ADCY3: variants seen among roughly 807,000 people sequenced by gnomAD.
ADCY3 encodes adenylate cyclase 3, also known as adenylate cyclase type 3.
Under a neutral mutation model 119.4 loss-of-function variants are expected in ADCY3, and 70 were observed. That is an observed-to-expected ratio of 0.59 (90% CI 0.48 to 0.72). The LOEUF (loss-of-function observed/expected upper bound fraction) is 0.72. ADCY3 is among the 30% of genes least tolerant of loss of function. The pLI is 0.00. For synonymous variants in ADCY3, 672 were observed against 621.4 expected (o/e 1.08, Z -1.21); for missense variants, 1,238 against 1,541.6 (o/e 0.80, Z 3.30).
chr2:24,820,278 C>G, intron 21 of ADCY3, 164 bp from the exon 22 acceptor site: 9 of 1,240,492 alleles, frequency 7.3e-6, no homozygotes, highest in East Asian at 2.9e-5. Flanking sequence ...CCGTGGCGAG[C>G]AGCGGGTGGG....
chr2:24,908,447 A>G (rs6545814), intron 2 of ADCY3, among the ~76,000 whole-genome samples: 79,395 of 152,188 alleles, frequency 0.52, 22,884 homozygotes, highest in African/African-American at 0.78. Flanking sequence ...TTCACAATGA[A>G]GAAAAAGAGC....
At chr2:24,908,492 T>C (rs1663175408) in intron 2 of ADCY3, among the ~76,000 whole-genome samples, 1 of 152,222 alleles carries the variant, frequency 6.6e-6, no homozygotes, top group Non-Finnish European at 1.5e-5. Context: ...GAAAAAAGGA[T>C]AATGAAGAAA....
intron 2 of ADCY3, among the ~76,000 whole-genome samples, chr2:24,876,262 C>T (rs1042778111): frequency 6.6e-6 from 1 of 152,158 alleles, no homozygotes; most frequent in Non-Finnish European, 1.5e-5. Flanking sequence ...AACAATGGGA[C>T]TACAGGCATG....
At chr2:24,884,471 C>CTTTTTTTTTT (rs1201387570) in intron 2 of ADCY3, among the ~76,000 whole-genome samples, 2 of 97,860 alleles carry the variant, frequency 2.0e-5, no homozygotes, top group African/African-American at 4.9e-5. Context: ...TTCTAATAAT[C>CTTTTTTTTTT]TTTTTTTTTT....
intron 2 of ADCY3, among the ~76,000 whole-genome samples, chr2:24,892,643 T>C (rs1677807238): frequency 6.6e-6 from 1 of 152,218 alleles, no homozygotes; most frequent in East Asian, 1.9e-4. Context: ...AGTTCTTGGG[T>C]GCAGGGTTCT....
chr2:24,822,892 C>G (rs116997258), intron 18 of ADCY3, among the ~76,000 whole-genome samples: 1 of 152,178 alleles, frequency 6.6e-6, no homozygotes, highest in Admixed American at 6.5e-5. Flanking sequence ...AAGCATTCTC[C>G]CTGGTATACA....
chr2:24,821,047 A>T, intron 20 of ADCY3, 199 bp from the exon 21 acceptor site: 2 of 532,510 alleles, frequency 3.8e-6, no homozygotes, highest in Non-Finnish European at 6.0e-6. Context: ...GTCAGCCGCC[A>T]CCCCCCCCCC....
chr2:24,830,656 C>T, intron 13 of ADCY3, 53 bp downstream of exon 13: 1 of 1,416,576 alleles, frequency 7.1e-7, no homozygotes, highest in South Asian at 1.2e-5. Context: ...AAACAGAAGC[C>T]CTTCTCCACT....
rs757744329 is a variant in ADCY3 at position 24,872,740 on chromosome 2, G to C, written c.676-21C>G. 6.2e-7 allele frequency: 1 copy of C among 1,610,792 alleles called. No homozygotes were observed. Among genetic ancestry groups the C allele is most frequent in the Non-Finnish European group, 8.5e-7 (1 of 1,177,530 alleles). ...AGGATCTGCACCCCAAGGAAGAAGA[G>C]AGAAAAGGCCAGGGGTGAAGGCACG... On this transcript the variant is annotated intron_variant, in intron 2 of 21. Transcript: ENST00000679454. The surrounding 1 kb of genome is among the most constrained non-coding windows in gnomAD (Gnocchi z 4.4).
At position 24,919,152 on chromosome 2, in the gene ADCY3, T is replaced by C. The variant is rs1180175214; in HGVS notation, c.-165A>G. The C allele has an allele frequency of 1.5e-6, 1 of 672,076 alleles. No individual in the cohort carries two copies. Among genetic ancestry groups the C allele is most frequent in the African/African-American group, 1.8e-5 (1 of 55,014 alleles). The allele number at this position is 672,076 out of a possible 1,614,324, so 41.6% of individuals were successfully genotyped here. On this transcript the variant is annotated 5_prime_UTR_variant, in exon 2 of 22. Transcript: ENST00000679454. The surrounding 1 kb of genome is among the most constrained non-coding windows in gnomAD (Gnocchi z 5.5). The stretch of plus-strand genomic sequence containing the variant: ...CCTCCAGCAGGAACGCAGAGCGGGT[T>C]TCCAGAGCACAGGTAGCACTGATCA...
intron 3 of ADCY3, among the ~76,000 whole-genome samples, chr2:24,862,002 G>C (rs1160915957): frequency 6.6e-6 from 1 of 152,224 alleles, no homozygotes; most frequent in Non-Finnish European, 1.5e-5. Flanking sequence ...GAGAGGTAAA[G>C]TACCAACACC....
chr2:24,827,978 C>T lies in ADCY3; in HGVS notation c.2356G>A (p.Ala786Thr), dbSNP rs78678013. The T allele has an allele frequency of 4.9e-5, 79 of 1,614,100 alleles. No individual in the cohort carries two copies. The highest frequency in any genetic ancestry group is 4.5e-4 in the Admixed American group (27 of 60,006). ...GCATAGAGGTTGATGGTGGCCACGG[C>T]GCCTGCGACGAGCAGCATGAGCGTG... The part of the protein sequence containing the change: ...KLTLMLLVAG[A>T]VATINLYAWR... Residue 786 changes from alanine to threonine, a missense_variant, in exon 14 of 22, where the codon GCC becomes ACC. Ala to Thr is a moderately conservative substitution (Grantham distance 58). This residue lies in a region of ADCY3 where 499 missense variants were observed against 571.0 expected (regional missense o/e 0.87). Coordinates refer to ENST00000679454, the MANE Select transcript of ADCY3 (RefSeq NM_004036.5).
At chr2:24,853,005 GGTGTGT>G (rs58904311) in intron 3 of ADCY3, among the ~76,000 whole-genome samples, 8,403 of 94,282 alleles carry the variant, frequency 0.089, 348 homozygotes, top group Admixed American at 0.14. Context: ...ACAGCTGGAG[GGTGTGT>G]GTGTGTGTGT....
intron 12 of ADCY3, among the ~76,000 whole-genome samples, chr2:24,831,164 A>G (rs527726577): frequency 1.1e-3 from 164 of 151,922 alleles, no homozygotes; most frequent in African/African-American, 3.9e-3. Context: ...CCTGGCTCCA[A>G]GTGACCTGGC....
intron 2 of ADCY3, among the ~76,000 whole-genome samples, chr2:24,904,525 A>AAAAG (rs1558519797): frequency 1.6e-4 from 25 of 151,792 alleles, no homozygotes; most frequent in African/African-American, 2.2e-4. Context: ...CATCTCAAAA[A>AAAAG]AAAAGAAAAG....
chr2:24,860,392 C>G (rs1198779247), intron 3 of ADCY3, among the ~76,000 whole-genome samples: 1 of 152,256 alleles, frequency 6.6e-6, no homozygotes, highest in East Asian at 1.9e-4. Flanking sequence ...CCTGGCGGCC[C>G]CGCACCACAG....
At chr2:24,830,664 A>C in intron 13 of ADCY3, 45 bp downstream of exon 13, 1 of 1,495,826 alleles carries the variant, frequency 6.7e-7, no homozygotes, top group African/African-American at 1.4e-5. Flanking sequence ...GCCCTTCTCC[A>C]CTGAGAACAG....
At chr2:24,836,614 T>C (rs1359292333) in intron 9 of ADCY3, among the ~76,000 whole-genome samples, 1 of 152,174 alleles carries the variant, frequency 6.6e-6, no homozygotes, top group Non-Finnish European at 1.5e-5. Context: ...CCTATATAAT[T>C]TTCCATGGAT....
chr2:24,834,452 G>A lies in ADCY3; in HGVS notation c.1967+33C>T. The A allele has an allele frequency of 6.5e-7, 1 of 1,540,282 alleles. No individual in the cohort carries two copies. Among genetic ancestry groups the A allele is most frequent in the Non-Finnish European group, 8.8e-7 (1 of 1,141,228 alleles). ...CCCGCCCGGCACCACCGCAGCCGAG[G>A]AAACTCGTGGCCCTCCCCGGCCCCT... On this transcript the variant is annotated intron_variant, in intron 11 of 21. Coordinates refer to ENST00000679454, the MANE Select transcript of ADCY3 (RefSeq NM_004036.5). The surrounding 1 kb of genome is among the most constrained non-coding windows in gnomAD (Gnocchi z 4.2).
Sources: allele counts gnomAD v4.1 joint callset (sites outside exome capture counted in the v4.1 genomes callset), GRCh38; gene constraint gnomAD v4.1.1; regional missense constraint gnomAD v4.1.1; non-coding constraint Gnocchi (gnomAD v3.1); transcripts MANE v1.5; gene names NCBI Gene and HGNC (gene_info 2026-07-23, HGNC 2026-07-21).